Variants in GALNT18 observed in about 807,000 individuals in gnomAD.
The protein encoded by GALNT18 is polypeptide N-acetylgalactosaminyltransferase 18.
Under a neutral mutation model 69.5 loss-of-function variants are expected in GALNT18, and 44 were observed. That is an observed-to-expected ratio of 0.63 (90% confidence interval 0.50 to 0.81). GALNT18 has a LOEUF of 0.81. Ranked by LOEUF, GALNT18 falls within the 40% of genes least tolerant of loss-of-function variation. GALNT18 has a pLI of 0.00. For synonymous variants in GALNT18, 364 were observed against 318.2 expected (o/e 1.14, Z -1.53); for missense variants, 715 against 810.0 (o/e 0.88, Z 1.42).
At chr11:11,526,482 A>G (rs573059266) in intron 1 of GALNT18, among the ~76,000 whole-genome samples, 1 of 152,318 alleles carries the variant, frequency 6.6e-6, no homozygotes, top group African/African-American at 2.4e-5. Flanking sequence ...GTAGTTATTC[A>G]TGGAAGTAAT....
intron 6 of GALNT18, among the ~76,000 whole-genome samples, chr11:11,361,215 T>C (rs1850638489): frequency 6.6e-6 from 1 of 152,208 alleles, no homozygotes. Flanking sequence ...TTTGTCAGAT[T>C]TCTTACTGAA....
At chr11:11,280,129 C>A (rs528698106) in intron 10 of GALNT18, among the ~76,000 whole-genome samples, 10 of 152,254 alleles carry the variant, frequency 6.6e-5, no homozygotes, top group African/African-American at 2.4e-4. Context: ...TGCTGTGCCC[C>A]ACACCCCAGG....
Position 11,394,220 on chromosome 11 carries a change from G to T in GALNT18, c.596-14956C>A, listed in dbSNP as rs111886526. Among the ~76,000 whole-genome samples the T allele has an allele frequency of 8.9e-3, 1,356 of 152,276 alleles. 10 individuals carry two copies. Among genetic ancestry groups the T allele is most frequent in the South Asian group, 0.016 (78 of 4,822 alleles). On this transcript the variant is annotated intron_variant, in intron 3 of 10. Coordinates refer to ENST00000227756, the MANE Select transcript of GALNT18 (RefSeq NM_198516.3). ...GCATTTGTCTCAATGGATGGATGAA[G>T]GGGCTTTCCTAGGAGGATAAAGGGG...
chr11:11,344,306 C>T (rs1341222628), intron 6 of GALNT18, among the ~76,000 whole-genome samples: 1 of 152,186 alleles, frequency 6.6e-6, no homozygotes, highest in Admixed American at 6.5e-5. Flanking sequence ...ACGTACCCAA[C>T]CCTGCCTGCC....
rs1850941104 is a variant in GALNT18 at position 11,372,717 on chromosome 11, G to C, written c.978-88C>G. 2 of 1,013,640 alleles carry C rather than the reference G, an allele frequency of 2.0e-6. No individual in the cohort carries two copies. The highest frequency in any genetic ancestry group is 1.9e-5 in the Admixed American group (1 of 52,336). The allele number at this position is 1,013,640 out of a possible 1,614,324, so 62.8% of individuals were successfully genotyped here. A position where few individuals can be genotyped will look rare whatever the true frequency, so the allele number is the denominator to read the frequency against. On this transcript the variant is annotated intron_variant, in intron 5 of 10. Transcript: ENST00000227756. This position sits in a 1 kb window ranked among gnomAD's most constrained non-coding sequence, Gnocchi z 4.9. ...AAGGCCTTCCTATCAGGAGGGTCTGGTTCTCTTCCTTCCTTTGCTGCCAGA... is the reference window on the plus strand; with the variant it reads ...AAGGCCTTCCTATCAGGAGGGTCTGCTTCTCTTCCTTCCTTTGCTGCCAGA...
chr11:11,491,008 G>A (rs12361043), intron 1 of GALNT18, among the ~76,000 whole-genome samples: 5,463 of 152,282 alleles, frequency 0.036, 144 homozygotes, highest in Non-Finnish European at 0.055. Flanking sequence ...GAGGCAGGGT[G>A]TGCACTGAAG....
intron 1 of GALNT18, among the ~76,000 whole-genome samples, chr11:11,553,360 A>C (rs1590093098): frequency 6.6e-6 from 1 of 152,132 alleles, no homozygotes; most frequent in Admixed American, 6.5e-5. Context: ...CCAGTCAAGC[A>C]CCTGGGGCCA....
chr11:11,385,997 G>T (rs1030924593), intron 3 of GALNT18, among the ~76,000 whole-genome samples: 2 of 152,102 alleles, frequency 1.3e-5, no homozygotes, highest in Non-Finnish European at 2.9e-5. Context: ...CTAAGCCAAG[G>T]CCTGTCAAAG....
chr11:11,542,534 A>T lies in GALNT18; in HGVS notation c.235+78825T>A, dbSNP rs1857951964. Among the ~76,000 whole-genome samples, 1 of 152,242 alleles carries T rather than the reference A, an allele frequency of 6.6e-6. No homozygotes were observed. The highest frequency in any genetic ancestry group is 2.1e-4 in the South Asian group (1 of 4,832). On this transcript the variant is annotated intron_variant, in intron 1 of 10. Transcript: ENST00000227756. This position sits in a 1 kb window ranked among gnomAD's most constrained non-coding sequence, Gnocchi z 4.3. ...TCACATGCAAAGAATAATTCCTACC[A>T]TGTCCTTGTTCCGGAAAACAGTCAT... is the stretch of plus-strand genomic sequence containing the variant.
intron 6 of GALNT18, among the ~76,000 whole-genome samples, chr11:11,361,697 T>C (rs1008010604): frequency 6.6e-6 from 1 of 152,182 alleles, no homozygotes; most frequent in Middle Eastern, 3.2e-3. Context: ...AGAATATATT[T>C]TCTTATATGT....
chr11:11,489,109 C>T (rs1043766803), intron 1 of GALNT18, among the ~76,000 whole-genome samples: 1 of 152,198 alleles, frequency 6.6e-6, no homozygotes, highest in African/African-American at 2.4e-5. Context: ...AATAATAATA[C>T]CATCAGTAGC....
chr11:11,303,817 C>G (rs1849535774), intron 9 of GALNT18, among the ~76,000 whole-genome samples: 1 of 152,246 alleles, frequency 6.6e-6, no homozygotes, highest in Admixed American at 6.5e-5. Flanking sequence ...CAATCCTTCT[C>G]TGTAGGCCAT....
At chr11:11,352,421 G>A in intron 6 of GALNT18, 1 of 1,613,896 alleles carries the variant, frequency 6.2e-7, no homozygotes, top group South Asian at 1.1e-5. Flanking sequence ...CACGTCCATG[G>A]AAAAATGGCT....
In GALNT18 at chr11:11,421,813, A is replaced by G. The variant is rs1192608172; in HGVS notation, c.595+10808T>C. ...ACACAGCATCTTGATGTACTTGGCC[A>G]AAAGGTGCCTTCTCTGGACTATGCA... is the stretch of plus-strand genomic sequence containing the variant. On this transcript the variant is annotated intron_variant, in intron 3 of 10. Transcript: ENST00000227756. This position sits in a 1 kb window ranked among gnomAD's most constrained non-coding sequence, Gnocchi z 5.6. Among the ~76,000 whole-genome samples, 3 of 152,214 alleles carry G rather than the reference A, an allele frequency of 2.0e-5. No homozygotes were observed. In the East Asian group the frequency reaches 5.8e-4, roughly 29 times the overall value.
intron 1 of GALNT18, among the ~76,000 whole-genome samples, chr11:11,471,141 C>A (rs897471455): frequency 6.6e-6 from 1 of 152,084 alleles, no homozygotes; most frequent in African/African-American, 2.4e-5. Flanking sequence ...CATTCCACTC[C>A]TTTTTTAAGA....
At chr11:11,275,820 T>C (rs1477919514) in intron 10 of GALNT18, among the ~76,000 whole-genome samples, 1 of 152,192 alleles carries the variant, frequency 6.6e-6, no homozygotes, top group Non-Finnish European at 1.5e-5. Flanking sequence ...TTCAGTCAGG[T>C]TTGTCAAAGA....
rs1850924502 is a variant in GALNT18 at position 11,372,212 on chromosome 11, G to A, written c.1092+303C>T. ...TCGATGCCTGTTATTGCTTCCTAGA[G>A]CACACCTTTGCTCACTCTGATGGGC... On this transcript the variant is annotated intron_variant, in intron 6 of 10. Coordinates refer to ENST00000227756, the MANE Select transcript of GALNT18 (RefSeq NM_198516.3). This position sits in a 1 kb window ranked among gnomAD's most constrained non-coding sequence, Gnocchi z 4.9. Among the ~76,000 whole-genome samples, 1 of 152,128 alleles carries A rather than the reference G, an allele frequency of 6.6e-6. No individual in the cohort carries two copies. The highest frequency in any genetic ancestry group is 2.4e-5 in the African/African-American group (1 of 41,404).
At position 11,606,438 on chromosome 11, in the gene GALNT18, A is replaced by C. The variant is rs1238507829; in HGVS notation, c.235+14921T>G. Among the ~76,000 whole-genome samples the C allele has an allele frequency of 1.3e-5, 2 of 152,238 alleles. No homozygotes were observed. The highest frequency in any genetic ancestry group is 4.8e-5 in the African/African-American group (2 of 41,460). ...TGAAGTGGATTAAACAGTGCTAAAC[A>C]TCTGGTACATGGCTGATAAATGTGA... is the stretch of plus-strand genomic sequence containing the variant. On this transcript the variant is annotated intron_variant, in intron 1 of 10. Coordinates refer to ENST00000227756, the MANE Select transcript of GALNT18 (RefSeq NM_198516.3). This position sits in a 1 kb window ranked among gnomAD's most constrained non-coding sequence, Gnocchi z 5.4.
chr11:11,335,940 A>G (rs1850103926), intron 7 of GALNT18, among the ~76,000 whole-genome samples: 1 of 152,184 alleles, frequency 6.6e-6, no homozygotes, highest in Admixed American at 6.5e-5. Context: ...GGGAGAGAAT[A>G]AATTTCTGTT....
Sources: gnomAD v4.1 joint callset for allele counts (sites outside exome capture counted in the v4.1 genomes callset) on GRCh38, gnomAD v4.1.1 for gene constraint, Gnocchi (gnomAD v3.1) non-coding constraint, MANE v1.5 for transcripts, NCBI Gene and HGNC (gene_info 2026-07-23, HGNC 2026-07-21) for gene names.